INO80D: variants seen among roughly 807,000 people sequenced by gnomAD.
INO80D encodes the protein INO80 complex subunit D.
INO80D carries 21 observed loss-of-function variants against 87.6 expected under a neutral mutation model. The observed-to-expected ratio is 0.24, with a 90% CI of 0.17 to 0.35. The LOEUF (loss-of-function observed/expected upper bound fraction) is 0.35, where lower values mean the gene tolerates loss of function less well. INO80D is among the 10% of genes least tolerant of loss of function. INO80D has a pLI of 1.00. For synonymous variants in INO80D, 440 were observed against 491.0 expected, an observed-to-expected ratio of 0.90 and a Z score of 1.37; for missense variants, 982 against 1,280.7, an observed-to-expected ratio of 0.77 and a Z score of 3.56.
intron 4 of INO80D, among the ~76,000 whole-genome samples, chr2:206,048,000 G>A (rs1178866122): frequency 1.3e-5 from 2 of 151,612 alleles, no homozygotes; most frequent in African/African-American, 2.4e-5. Flanking sequence ...ACAGGCACCC[G>A]CCACCGCGCC....
intron 1 of INO80D, among the ~76,000 whole-genome samples, chr2:206,066,530 G>A (rs770161816): frequency 6.6e-6 from 1 of 152,094 alleles, no homozygotes; most frequent in Non-Finnish European, 1.5e-5. Flanking sequence ...TGGGCACCAG[G>A]CGTGGTGGCT....
intron 6 of INO80D, among the ~76,000 whole-genome samples, chr2:206,022,311 G>C (rs1688486050): frequency 6.6e-6 from 1 of 150,654 alleles, no homozygotes; most frequent in Admixed American, 6.6e-5. Context: ...AGGTTGCAGT[G>C]AGCCGAGATC....
At chr2:206,051,704 T>A (rs1258746595) in intron 4 of INO80D, among the ~76,000 whole-genome samples, 2 of 152,178 alleles carry the variant, frequency 1.3e-5, no homozygotes, top group Admixed American at 1.3e-4. Flanking sequence ...TCTCACTATG[T>A]TTCCCAGGCT....
At chr2:206,067,023 G>A (rs1441025329) in intron 1 of INO80D, among the ~76,000 whole-genome samples, 1 of 152,076 alleles carries the variant, frequency 6.6e-6, no homozygotes, top group East Asian at 1.9e-4. Flanking sequence ...CAAGGCAGGT[G>A]GAACATTTGA....
At chr2:206,012,867 C>CAAAAAA (rs71035432) in intron 8 of INO80D, among the ~76,000 whole-genome samples, 4 of 85,720 alleles carry the variant, frequency 4.7e-5, no homozygotes, top group Non-Finnish European at 8.9e-5. Context: ...AGACTTGTCT[C>CAAAAAA]AAAAAAAAAA....
At chr2:206,048,531 C>A (rs1196025474) in intron 4 of INO80D, among the ~76,000 whole-genome samples, 1 of 152,182 alleles carries the variant, frequency 6.6e-6, no homozygotes, top group Admixed American at 6.5e-5. Flanking sequence ...CTGTGCCCAG[C>A]CAAATGCTAT....
In INO80D at chr2:206,085,443, G is replaced by A. The variant is rs1218941018; in HGVS notation, c.-124+458C>T. On this transcript the variant is annotated intron_variant, in intron 1 of 10. Transcript: ENST00000403263. The surrounding 1 kb of genome is among the most constrained non-coding windows in gnomAD (Gnocchi z 4.5). ...CCCGGGCCTGCCGCCCCGCGGGAAA[G>A]CCTCCGGGCCGGCGCGGGATTCGGC... 2 of 151,782 alleles carry A rather than the reference G, an allele frequency of 1.3e-5. No homozygotes were observed. Among genetic ancestry groups the A allele is most frequent in the East Asian group, 3.9e-4 (2 of 5,096 alleles). 9.4% of individuals were successfully genotyped at this position (151,782 alleles called of 1,614,324 possible).
intron 8 of INO80D, among the ~76,000 whole-genome samples, chr2:206,010,839 G>A (rs35359010): frequency 0.28 from 42,198 of 151,992 alleles, 6,801 homozygotes; most frequent in Non-Finnish European, 0.36. Flanking sequence ...AGCACTTTGG[G>A]AGCCGAGGTG....
intron 5 of INO80D, among the ~76,000 whole-genome samples, chr2:206,037,035 A>G (rs1036188428): frequency 1.3e-4 from 20 of 152,162 alleles, no homozygotes; most frequent in Admixed American, 1.2e-3. Context: ...GAGAAAGGCC[A>G]GTTTCCCTTC....
chr2:206,023,044 C>T lies in INO80D; in HGVS notation c.1299-3199G>A, dbSNP rs570783706. Among the ~76,000 whole-genome samples the T allele has an allele frequency of 1.7e-3, 252 of 152,088 alleles. 1 individual carries two copies. Among genetic ancestry groups the T allele is most frequent in the African/African-American group, 5.6e-3 (231 of 41,504 alleles). On this transcript the variant is annotated intron_variant, in intron 6 of 10. Coordinates refer to ENST00000403263, the MANE Select transcript of INO80D (RefSeq NM_017759.5). ...TGAAATCCTGTCTCTACAAAAAATACAAAACAATTAGCCAGACGTGGTAAA... is the reference window on the plus strand; with the variant it reads ...TGAAATCCTGTCTCTACAAAAAATATAAAACAATTAGCCAGACGTGGTAAA...
intron 3 of INO80D, among the ~76,000 whole-genome samples, chr2:206,059,028 C>G (rs919842723): frequency 6.8e-6 from 1 of 147,210 alleles, no homozygotes; most frequent in Non-Finnish European, 1.5e-5. Context: ...AGTTCAAGAT[C>G]GACCTGAGCA....
At chr2:206,020,989 T>C (rs1050255625) in intron 6 of INO80D, among the ~76,000 whole-genome samples, 4 of 151,804 alleles carry the variant, frequency 2.6e-5, no homozygotes, top group Non-Finnish European at 4.4e-5. Flanking sequence ...CTGGGCAACA[T>C]AGGGAGATCC....
rs1050077930 is a variant in INO80D at position 205,993,964 on chromosome 2, G to A, written c.*10404C>T. 2.6e-5 allele frequency: 4 copies of A among 152,154 alleles called. No individual in the cohort carries two copies. The highest frequency in any genetic ancestry group is 9.7e-5 in the African/African-American group (4 of 41,430). 9.4% of individuals were successfully genotyped at this position (152,154 alleles called of 1,614,324 possible). On this transcript the variant is annotated 3_prime_UTR_variant, in exon 11 of 11. Transcript: ENST00000403263. The stretch of plus-strand genomic sequence containing the variant: ...ATCAAATTTTTAAAACAGTAATACA[G>A]TACATTCATTGAGATATATATGGAA...
At chr2:206,038,100 G>A (rs575052643) in intron 5 of INO80D, among the ~76,000 whole-genome samples, 5 of 152,208 alleles carry the variant, frequency 3.3e-5, no homozygotes, top group African/African-American at 7.2e-5. Context: ...GTGGAAGAGC[G>A]GAGGATAATG....
Position 206,009,650 on chromosome 2 carries a change from G to T in INO80D, c.1687C>A (p.Pro563Thr). 6.2e-7 allele frequency: 1 copy of T among 1,613,986 alleles called. No homozygotes were observed. Among genetic ancestry groups the T allele is most frequent in the Non-Finnish European group, 8.5e-7 (1 of 1,179,884 alleles). Residue 563 changes from proline to threonine, a missense_variant, in exon 9 of 11, where the codon CCA (proline) becomes ACA (threonine). By Grantham distance (38) the Pro-to-Thr change is conservative (BLOSUM62 -1). Transcript: ENST00000403263. ...AGGTTCCCTTGGGGGACTGCAGGTG[G>T]AATGGGTTTTTGGGGTCGACGAGGT... ...RGPRRPQKPI[P>T]PAVPQGNLSM... is the part of the protein sequence containing the mutation.
chr2:206,066,944 G>A (rs886274314), intron 1 of INO80D, among the ~76,000 whole-genome samples: 1 of 135,848 alleles, frequency 7.4e-6, no homozygotes, highest in East Asian at 2.0e-4. Flanking sequence ...TAAAAAAGTT[G>A]ATCTCATAGA....
At chr2:206,074,578 C>T (rs747095782) in intron 1 of INO80D, among the ~76,000 whole-genome samples, 1 of 151,990 alleles carries the variant, frequency 6.6e-6, no homozygotes, top group Non-Finnish European at 1.5e-5. Flanking sequence ...CACACCGTTA[C>T]ACTCCAACCT....
chr2:206,068,075 G>A (rs771542973), intron 1 of INO80D, among the ~76,000 whole-genome samples: 3 of 151,974 alleles, frequency 2.0e-5, no homozygotes, highest in Non-Finnish European at 4.4e-5. Context: ...CCCAACTTTT[G>A]AGGCACTGTG....
chr2:206,019,262 TA>T (rs1246238629), intron 7 of INO80D, among the ~76,000 whole-genome samples: 1 of 152,212 alleles, frequency 6.6e-6, no homozygotes, highest in Non-Finnish European at 1.5e-5. Context: ...TCTTCTTTCC[TA>T]GGCAGTGATG....
Sources: gnomAD v4.1 joint callset for allele counts (sites outside exome capture counted in the v4.1 genomes callset) on GRCh38, gnomAD v4.1.1 for gene constraint, Gnocchi (gnomAD v3.1) non-coding constraint, MANE v1.5 for transcripts, NCBI Gene and HGNC (gene_info 2026-07-23, HGNC 2026-07-21) for gene names.